LDAH: variants seen among roughly 807,000 people sequenced by gnomAD.
LDAH encodes lipid droplet-associated hydrolase.
A neutral mutation model predicts 29.6 loss-of-function variants in LDAH; 26 were observed. The observed-to-expected ratio is 0.88, with a 90% confidence interval of 0.64 to 1.22. The LOEUF is 1.22. Ranked by LOEUF, LDAH falls within the 50% of genes most tolerant of loss-of-function variation. The probability of loss-of-function intolerance (pLI) is 0.00; values close to 1 mark genes in which losing one functional copy is unlikely to be tolerated. For synonymous variants in LDAH, 117 were observed against 133.0 expected, an observed-to-expected ratio of 0.88 and a Z score of 0.83; for missense variants, 344 against 387.3, an observed-to-expected ratio of 0.89 and a Z score of 0.94.
chr2:20,752,290 A>T lies in LDAH; in HGVS notation c.469-12085T>A, dbSNP rs116070208. On this transcript the variant is annotated intron_variant, in intron 4 of 6. Coordinates refer to ENST00000237822, the MANE Select transcript of LDAH (RefSeq NM_021925.4). Reference sequence around the variant, plus strand: ...AAATTCCACTGAAAGCATAGAGATAAACAGGTGGAAAGAAAATCAGACACC... The same window carrying T: ...AAATTCCACTGAAAGCATAGAGATATACAGGTGGAAAGAAAATCAGACACC... Among the ~76,000 whole-genome samples, 578 of 152,318 alleles carry T rather than the reference A, an allele frequency of 3.8e-3. 3 individuals are homozygous for T. Among genetic ancestry groups the T allele is most frequent in the African/African-American group, 0.014 (562 of 41,556 alleles).
intron 5 of LDAH, among the ~76,000 whole-genome samples, chr2:20,733,290 G>T (rs1173274639): frequency 2.6e-5 from 4 of 151,526 alleles, no homozygotes; most frequent in South Asian, 2.1e-4. Context: ...GAGTTCAGTG[G>T]CATGATCATG....
chr2:20,703,400 G>A (rs544669611), intron 5 of LDAH, among the ~76,000 whole-genome samples: 1 of 152,146 alleles, frequency 6.6e-6, no homozygotes, highest in African/African-American at 2.4e-5. Context: ...GATTACCCTT[G>A]CTGAGTTGCT....
At chr2:20,706,627 T>A (rs185054993) in intron 5 of LDAH, among the ~76,000 whole-genome samples, 2 of 152,260 alleles carry the variant, frequency 1.3e-5, no homozygotes, top group Non-Finnish European at 2.9e-5. Flanking sequence ...TGGAAATGAT[T>A]TTCCATAGTT....
At chr2:20,756,106 C>T (rs143436692) in intron 4 of LDAH, among the ~76,000 whole-genome samples, 129 of 152,052 alleles carry the variant, frequency 8.5e-4, no homozygotes, top group African/African-American at 2.8e-3. Flanking sequence ...GTCTTGGCTC[C>T]GGGCAACCTC....
chr2:20,726,702 C>T (rs7576149), intron 5 of LDAH, among the ~76,000 whole-genome samples: 29,061 of 152,132 alleles, frequency 0.19, 3,103 homozygotes, highest in African/African-American at 0.28. Context: ...AGAAATGTTT[C>T]GTAGTCAACA....
intron 5 of LDAH, among the ~76,000 whole-genome samples, chr2:20,703,224 C>T (rs1244983454): frequency 6.6e-6 from 1 of 152,210 alleles, no homozygotes; most frequent in African/African-American, 2.4e-5. Flanking sequence ...TCAAATATCA[C>T]AGAAATGGTT....
chr2:20,762,490 C>A (rs1180288454), intron 4 of LDAH, among the ~76,000 whole-genome samples: 1 of 152,110 alleles, frequency 6.6e-6, no homozygotes, highest in Non-Finnish European at 1.5e-5. Context: ...TACACACATA[C>A]ACAACACAAC....
intron 2 of LDAH, among the ~76,000 whole-genome samples, chr2:20,800,983 T>C (rs993422234): frequency 6.6e-6 from 1 of 152,194 alleles, no homozygotes; most frequent in Non-Finnish European, 1.5e-5. Context: ...AGAAAAAGTT[T>C]AGAAAACTGG....
chr2:20,700,065 G>A (rs1186584210), intron 6 of LDAH, among the ~76,000 whole-genome samples: 1 of 152,210 alleles, frequency 6.6e-6, no homozygotes, highest in Admixed American at 6.5e-5. Flanking sequence ...ACTGAGAGTT[G>A]AGCTGTTTTT....
chr2:20,786,556 T>G (rs894755053), intron 3 of LDAH, among the ~76,000 whole-genome samples: 1 of 151,286 alleles, frequency 6.6e-6, no homozygotes, highest in African/African-American at 2.4e-5. Context: ...AATGTTCTTG[T>G]TTTTTTTTCC....
At chr2:20,771,971 C>T (rs1213927431) in intron 4 of LDAH, among the ~76,000 whole-genome samples, 2 of 152,168 alleles carry the variant, frequency 1.3e-5, no homozygotes, top group East Asian at 3.9e-4. Context: ...CACCACTATT[C>T]CTGCAAAAGC....
chr2:20,760,517 G>A (rs541979976), intron 4 of LDAH, among the ~76,000 whole-genome samples: 2 of 152,354 alleles, frequency 1.3e-5, no homozygotes, highest in East Asian at 1.9e-4. Flanking sequence ...AGCTAGGGCT[G>A]CAGTCTCATC....
At chr2:20,751,131 G>A (rs1235621103) in intron 4 of LDAH, among the ~76,000 whole-genome samples, 3 of 152,018 alleles carry the variant, frequency 2.0e-5, no homozygotes, top group Non-Finnish European at 2.9e-5. Flanking sequence ...ATGTACCCCC[G>A]GTATCTAAAA....
intron 6 of LDAH, 56 bp from the exon 7 acceptor site, chr2:20,687,150 A>G: frequency 2.1e-6 from 3 of 1,451,574 alleles, no homozygotes; most frequent in Admixed American, 1.8e-5. Flanking sequence ...CCTGACACAG[A>G]TATGACACCA....
intron 6 of LDAH, among the ~76,000 whole-genome samples, chr2:20,699,043 T>C (rs532328292): frequency 6.6e-6 from 1 of 152,334 alleles, no homozygotes; most frequent in Admixed American, 6.5e-5. Context: ...CATGATACAG[T>C]AGAAAGCTTA....
At chr2:20,699,990 A>G (rs977252626) in intron 6 of LDAH, among the ~76,000 whole-genome samples, 1 of 152,218 alleles carries the variant, frequency 6.6e-6, no homozygotes, top group African/African-American at 2.4e-5. Context: ...ACTCTGACAC[A>G]TGATGGGTCT....
At position 20,782,564 on chromosome 2, in the gene LDAH, T is replaced by C. The variant is rs896133240; in HGVS notation, c.299-7585A>G. 7.9e-5 allele frequency among the ~76,000 whole-genome samples: 12 copies of C among 152,344 alleles called. No homozygotes were observed. The East Asian group carries it at 1.9e-3, about 24-fold the overall frequency. On this transcript the variant is annotated intron_variant, in intron 3 of 6. Coordinates refer to ENST00000237822, the MANE Select transcript of LDAH (RefSeq NM_021925.4). Reference sequence around the variant, plus strand: ...ACAGTCTATTCTGATCATCTATTTTTCCTTGTGTGAGTTTTGGGAGCTTGT... The same window carrying C: ...ACAGTCTATTCTGATCATCTATTTTCCCTTGTGTGAGTTTTGGGAGCTTGT...
intron 4 of LDAH, among the ~76,000 whole-genome samples, chr2:20,755,958 C>T (rs1248356439): frequency 6.6e-6 from 1 of 152,150 alleles, no homozygotes; most frequent in East Asian, 1.9e-4. Flanking sequence ...GTCCAAATTA[C>T]CCTGTAGTAC....
intron 6 of LDAH, 51 bp downstream of exon 6, chr2:20,701,519 T>A (rs1663934718): frequency 2.1e-6 from 3 of 1,458,188 alleles, no homozygotes; most frequent in Non-Finnish European, 2.9e-6. Context: ...TGCCCTCGTA[T>A]CTCTGCCCAT....
Sources: allele counts gnomAD v4.1 joint callset (sites outside exome capture counted in the v4.1 genomes callset), GRCh38; gene constraint gnomAD v4.1.1; transcripts MANE v1.5; gene names NCBI Gene and HGNC (gene_info 2026-07-23, HGNC 2026-07-21).